GAS2L3: variants seen among roughly 807,000 people sequenced by gnomAD.
GAS2L3 encodes GAS2-like protein 3.
In GAS2L3, 28 loss-of-function variants were observed where a neutral mutation model predicts 37.0. The ratio of observed to expected loss-of-function variants is 0.76; its 90% CI spans 0.56 to 1.04. The LOEUF is 1.04. Ranked by LOEUF, GAS2L3 falls within the 50% of genes least tolerant of loss-of-function variation. The probability of loss-of-function intolerance (pLI) is 0.00; values close to 1 mark genes in which losing one functional copy is unlikely to be tolerated. For missense variants in GAS2L3, 793 were observed against 817.6 expected, an observed-to-expected ratio of 0.97 and a Z score of 0.37; for synonymous variants, 290 against 296.6, an observed-to-expected ratio of 0.98 and a Z score of 0.23.
intron 1 of GAS2L3, chr12:100,580,059 A>C: frequency 6.9e-7 from 1 of 1,452,202 alleles, no homozygotes; most frequent in South Asian, 1.1e-5. Context: ...CCTCTTCCTC[A>C]TTTTCTTGAG....
Position 100,627,439 on chromosome 12 carries a change from TA to T in GAS2L3, c.*2551del, listed in dbSNP as rs1956342893. On this transcript the variant is annotated 3_prime_UTR_variant, in exon 10 of 10. Coordinates refer to ENST00000547754, the MANE Select transcript of GAS2L3 (RefSeq NM_174942.3). ...ACAGGCATCCACCACCAGGCCCAGC[TA>T]ATTTTTTTGTATTTTCAGTAGAGAT... The T allele has an allele frequency of 6.6e-6, 1 of 152,062 alleles. No individual in the cohort carries two copies. Among genetic ancestry groups the T allele is most frequent in the Non-Finnish European group, 1.5e-5 (1 of 68,024 alleles). The allele number at this position is 152,062 out of a possible 1,614,324, so 9.4% of individuals were successfully genotyped here. A position where few individuals can be genotyped will look rare whatever the true frequency, so the allele number is the denominator to read the frequency against.
At chr12:100,618,624 CT>C (rs563336510) in intron 8 of GAS2L3, 37 bp downstream of exon 8, 544 of 1,568,628 alleles carry the variant, frequency 3.5e-4, no homozygotes, top group Non-Finnish European at 4.6e-4. Flanking sequence ...ACCATGATAC[CT>C]TGAAGTCTCA....
chr12:100,594,949 T>A, intron 3 of GAS2L3, 27 bp downstream of exon 3: 1 of 1,095,724 alleles, frequency 9.1e-7, no homozygotes, highest in Non-Finnish European at 1.3e-6. Context: ...GAAACAATAT[T>A]TAAATTATGA....
At position 100,624,280 on chromosome 12, in the gene GAS2L3, A is replaced by G; in HGVS notation, c.1475A>G (p.His492Arg). 6.2e-7 allele frequency: 1 copy of G among 1,614,004 alleles called. No individual in the cohort carries two copies. The highest frequency in any genetic ancestry group is 8.5e-7 in the Non-Finnish European group (1 of 1,179,970). ...AATGCAGTATCTCACTTAGCTGCAC[A>G]TTCAAATTCATCCTCAAAATGTCCC... Reference protein sequence around the residue: ...RDNAVSHLAAHSNSSSKCPKL... With the variant: ...RDNAVSHLAARSNSSSKCPKL... Residue 492 changes from histidine to arginine, a missense_variant, in exon 10 of 10, where the codon CAT (histidine) becomes CGT (arginine). Coordinates refer to ENST00000547754, the MANE Select transcript of GAS2L3 (RefSeq NM_174942.3).
chr12:100,589,628 C>T (rs1414894318), intron 1 of GAS2L3, among the ~76,000 whole-genome samples: 2 of 151,934 alleles, frequency 1.3e-5, no homozygotes, highest in Non-Finnish European at 2.9e-5. Context: ...CAAGACTAAT[C>T]AAAAAAGAAT....
chr12:100,574,657 A>T (rs1211431559), intron 1 of GAS2L3, among the ~76,000 whole-genome samples: 2 of 152,208 alleles, frequency 1.3e-5, no homozygotes, highest in Non-Finnish European at 2.9e-5. Flanking sequence ...AGATGATTTT[A>T]GGTCAGAGCC....
chr12:100,587,894 T>C (rs1461227928), intron 1 of GAS2L3, among the ~76,000 whole-genome samples: 4 of 151,848 alleles, frequency 2.6e-5, no homozygotes, highest in African/African-American at 7.3e-5. Context: ...CTACTAAAAA[T>C]ACAAAAAATT....
At chr12:100,618,193 C>T (rs543182939) in intron 7 of GAS2L3, among the ~76,000 whole-genome samples, 3 of 152,200 alleles carry the variant, frequency 2.0e-5, no homozygotes, top group South Asian at 2.1e-4. Context: ...GCAGCTGATT[C>T]GAAAGCCACC....
chr12:100,597,058 C>T (rs777302668), intron 3 of GAS2L3, among the ~76,000 whole-genome samples: 2 of 151,786 alleles, frequency 1.3e-5, no homozygotes, highest in African/African-American at 4.8e-5. Context: ...TAGGAAAATC[C>T]AACATGTACT....
intron 1 of GAS2L3, among the ~76,000 whole-genome samples, chr12:100,582,069 G>A (rs1220896840): frequency 6.6e-6 from 1 of 152,232 alleles, no homozygotes; most frequent in African/African-American, 2.4e-5. Flanking sequence ...CTTTGTGTGA[G>A]CAAGAAAGCT....
At chr12:100,613,161 T>C (rs573052628) in intron 6 of GAS2L3, among the ~76,000 whole-genome samples, 2 of 152,202 alleles carry the variant, frequency 1.3e-5, no homozygotes, top group African/African-American at 4.8e-5. Context: ...TGCTTTGAAT[T>C]CTCTAGTTTC....
In GAS2L3 at chr12:100,623,621, A is replaced by T. The variant is rs769117819; in HGVS notation, c.816A>T (p.Gly272=). 4.2e-5 allele frequency: 67 copies of T among 1,613,254 alleles called. No homozygotes were observed. Among genetic ancestry groups the T allele is most frequent in the Non-Finnish European group, 5.3e-5 (62 of 1,179,710 alleles). ...GTGGAGGCTGGGATACTCTTCAAGG[A>T]TTTTTGCTTAAATATGACCCCTGTC... The part of the protein sequence containing the change: ...RVGGGWDTLQ[G]FLLKYDPCRI... The change falls in exon 10 of 10, where the codon GGA becomes GGT. Residue 272 remains glycine (G), a synonymous_variant. Coordinates refer to ENST00000547754, the MANE Select transcript of GAS2L3 (RefSeq NM_174942.3).
intron 5 of GAS2L3, among the ~76,000 whole-genome samples, chr12:100,606,303 A>G (rs1956056569): frequency 6.6e-6 from 1 of 152,040 alleles, no homozygotes; most frequent in African/African-American, 2.4e-5. Flanking sequence ...ATATAAATAT[A>G]GCTACTACTG....
chr12:100,595,975 A>G lies in GAS2L3; in HGVS notation c.18+1053A>G, dbSNP rs1017489099. ...TCTCTTCTTTCCTTTCCTTTCCCTT[A>G]TCAATTTAACAGTGGATGACAGCCT... On this transcript the variant is annotated intron_variant, in intron 3 of 9. Transcript: ENST00000547754. Among the ~76,000 whole-genome samples, 3 of 151,526 alleles carry G rather than the reference A, an allele frequency of 2.0e-5. No individual in the cohort carries two copies. In the South Asian group the frequency reaches 6.2e-4, roughly 31 times the overall value.
At chr12:100,623,517 C>A (rs762455758) in intron 9 of GAS2L3, 45 bp from the exon 10 acceptor site, 33 of 1,521,646 alleles carry the variant, frequency 2.2e-5, no homozygotes, top group Non-Finnish European at 2.8e-5. Context: ...TAACTATAAA[C>A]CTCACAGTAT....
chr12:100,578,751 A>T, intron 1 of GAS2L3: 1 of 555,130 alleles, frequency 1.8e-6, no homozygotes, highest in South Asian at 2.2e-5. Context: ...AGCATGGCGT[A>T]TAAAGGAGAA....
chr12:100,591,458 A>G lies in GAS2L3; in HGVS notation c.-151-278A>G, dbSNP rs562050100. Among the ~76,000 whole-genome samples, 182 of 152,298 alleles carry G rather than the reference A, an allele frequency of 1.2e-3. 1 individual carries two copies. The highest frequency in any genetic ancestry group is 2.2e-3 in the Non-Finnish European group (152 of 68,010). On this transcript the variant is annotated intron_variant, in intron 1 of 9. Transcript: ENST00000547754. ...GTGTCCTGCCAATTATGATGTGGGT[A>G]TTTTAAAGCTTTTACTCTCATTTAT...
At chr12:100,605,221 C>A (rs1264868146) in intron 5 of GAS2L3, among the ~76,000 whole-genome samples, 3 of 151,988 alleles carry the variant, frequency 2.0e-5, no homozygotes, top group Non-Finnish European at 4.4e-5. Context: ...GGGTCCCAGG[C>A]TTTTCTTTAC....
chr12:100,585,312 G>A (rs1221102233), intron 1 of GAS2L3, among the ~76,000 whole-genome samples: 1 of 151,334 alleles, frequency 6.6e-6, no homozygotes, highest in African/African-American at 2.4e-5. Flanking sequence ...TTGGAGTGCA[G>A]TGTAGCAATC....
Sources: gnomAD v4.1 joint callset for allele counts (sites outside exome capture counted in the v4.1 genomes callset) on GRCh38, gnomAD v4.1.1 for gene constraint, MANE v1.5 for transcripts, NCBI Gene and HGNC (gene_info 2026-07-23, HGNC 2026-07-21) for gene names.